The following CFAP46 variants were observed in gnomAD, a reference collection of about 807,000 sequenced individuals.
The protein encoded by CFAP46 is cilia and flagella associated protein 46, also known as cilia- and flagella-associated protein 46.
CFAP46 carries 245 observed loss-of-function variants against 325.7 expected under a neutral mutation model. The observed-to-expected ratio is 0.75, with a 90% confidence interval of 0.68 to 0.84. CFAP46 has a LOEUF of 0.84. Ranked by LOEUF, CFAP46 falls within the 40% of genes least tolerant of loss-of-function variation. The pLI is 0.00. For missense variants in CFAP46, 3,346 were observed against 3,543.0 expected (o/e 0.94, Z 1.41); for synonymous variants, 1,523 against 1,495.9 (o/e 1.02, Z -0.42).
intron 28 of CFAP46, among the ~76,000 whole-genome samples, chr10:132,880,560 A>T (rs1451999713): frequency 6.6e-6 from 1 of 152,204 alleles, no homozygotes; most frequent in East Asian, 1.9e-4. Context: ...GCCCGAGAAC[A>T]TGCCTTCCGC....
chr10:132,922,293 A>G, intron 12 of CFAP46, 69 bp from the exon 13 acceptor site: 1 of 1,512,720 alleles, frequency 6.6e-7, no homozygotes, highest in South Asian at 1.3e-5. Flanking sequence ...CAACTTCTGG[A>G]GCCTCCTGGC....
chr10:132,906,427 C>T (rs1849456515), intron 22 of CFAP46, among the ~76,000 whole-genome samples: 1 of 152,250 alleles, frequency 6.6e-6, no homozygotes, highest in Non-Finnish European at 1.5e-5. Flanking sequence ...TAGTGCCTGC[C>T]AACCGAGAAG....
intron 29 of CFAP46, among the ~76,000 whole-genome samples, chr10:132,878,485 C>T (rs924913799): frequency 8.5e-5 from 13 of 152,134 alleles, no homozygotes; most frequent in African/African-American, 3.1e-4. Context: ...GCAGGCCCTG[C>T]GGGCCCCTCG....
chr10:132,878,960 G>T (rs1444947886), intron 29 of CFAP46, among the ~76,000 whole-genome samples: 1 of 152,208 alleles, frequency 6.6e-6, no homozygotes, highest in African/African-American at 2.4e-5. Flanking sequence ...AGGACAAGGA[G>T]GGGGGTGGGA....
At chr10:132,865,928 G>GA (rs1463837017) in intron 35 of CFAP46, 97 bp downstream of exon 35, 3 of 1,249,666 alleles carry the variant, frequency 2.4e-6, no homozygotes. Context: ...TGCTAGAGCT[G>GA]AACGCTACAG....
chr10:132,918,871 C>T (rs1849677417), intron 15 of CFAP46, among the ~76,000 whole-genome samples: 1 of 152,216 alleles, frequency 6.6e-6, no homozygotes, highest in African/African-American at 2.4e-5. Flanking sequence ...CCCCTGTGCC[C>T]GTTCTGTCAC....
At chr10:132,843,950 A>G (rs1430912614) in intron 44 of CFAP46, among the ~76,000 whole-genome samples, 9 of 93,088 alleles carry the variant, frequency 9.7e-5, no homozygotes, top group South Asian at 4.1e-4. Context: ...CTCTGGTCTC[A>G]GTGGGTGTTC....
Position 132,922,723 on chromosome 10 carries a change from T to A in CFAP46, c.1257-15A>T, listed in dbSNP as rs759690344. ...GCGTCATGAGGCTGCGGGGGTGGCG[T>A]GGCATCAGGGGCCCTGGCGGCGCTG... On this transcript the variant is annotated splice_polypyrimidine_tract_variant and intron_variant, in intron 11 of 57. Transcript: ENST00000368586. The A allele has an allele frequency of 1.9e-6, 3 of 1,538,622 alleles. No homozygotes were observed. The South Asian group carries it at 3.6e-5, about 18-fold the overall frequency.
intron 35 of CFAP46, among the ~76,000 whole-genome samples, chr10:132,863,076 G>A (rs1387022620): frequency 1.3e-5 from 2 of 152,130 alleles, no homozygotes; most frequent in East Asian, 1.9e-4. Flanking sequence ...CCACGTTCGC[G>A]GGAGTCCAGC....
intron 45 of CFAP46, 59 bp from the exon 46 acceptor site, chr10:132,836,277 GC>G: frequency 3.9e-6 from 6 of 1,531,810 alleles, no homozygotes; most frequent in Non-Finnish European, 2.7e-6. Flanking sequence ...ACACCTCACA[GC>G]CCAGCTCCAG....
chr10:132,836,778 C>A (rs751767888), intron 45 of CFAP46, 39 bp downstream of exon 45: 48 of 1,552,904 alleles, frequency 3.1e-5, no homozygotes, highest in Non-Finnish European at 4.0e-5. Context: ...GGCCTCTCAG[C>A]GGGCTGGGGG....
intron 13 of CFAP46, among the ~76,000 whole-genome samples, chr10:132,920,949 G>A (rs543512484): frequency 6.6e-6 from 1 of 152,372 alleles, no homozygotes; most frequent in East Asian, 1.9e-4. Flanking sequence ...TCCTACTGGT[G>A]GATCTGCAGC....
intron 54 of CFAP46, among the ~76,000 whole-genome samples, chr10:132,813,726 G>A (rs903936107): frequency 3.9e-5 from 6 of 152,118 alleles, no homozygotes; most frequent in Middle Eastern, 3.4e-3. Flanking sequence ...CGCCCCTGGC[G>A]TGGAGCCTGT....
At chr10:132,907,500 C>T (rs145716824) in intron 22 of CFAP46, among the ~76,000 whole-genome samples, 20 of 152,350 alleles carry the variant, frequency 1.3e-4, no homozygotes, top group Middle Eastern at 6.8e-3. Context: ...GGACCCAAGT[C>T]AGAGGCCATT....
chr10:132,869,353 C>T lies in CFAP46; in HGVS notation c.4531G>A (p.Glu1511Lys), dbSNP rs1177370972. ...GCGGCTGCTTCTCTCAGCTTCAGCTCGGAGCACGCGTGGGCGAGGCTGTGG... is the reference window on the plus strand; with the variant it reads ...GCGGCTGCTTCTCTCAGCTTCAGCTTGGAGCACGCGTGGGCGAGGCTGTGG... ...YHLRLAHACS[E>K]LKLREAAARH... Residue 1511 changes from glutamate (E) to lysine (K), a missense_variant, in exon 33 of 58, where the codon GAG becomes AAG. By Grantham distance (56) the Glu-to-Lys change is moderately conservative (BLOSUM62 1). Transcript: ENST00000368586. The surrounding 1 kb of genome is among the most constrained non-coding windows in gnomAD (Gnocchi z 6.2). The T allele has an allele frequency of 1.8e-5, 28 of 1,535,118 alleles. No individual in the cohort carries two copies. In the East Asian group the frequency reaches 3.9e-4, roughly 22 times the overall value.
At chr10:132,811,167 C>T in intron 55 of CFAP46, 136 bp from the exon 56 acceptor site, 1 of 738,332 alleles carries the variant, frequency 1.4e-6, no homozygotes, top group Non-Finnish European at 2.2e-6. Context: ...GGGCTCCGAC[C>T]TCATGACCGT....
At chr10:132,811,070 G>A (rs754288896) in intron 55 of CFAP46, 39 bp from the exon 56 acceptor site, 9 of 1,528,768 alleles carry the variant, frequency 5.9e-6, no homozygotes, top group South Asian at 2.4e-5. Context: ...GCCTTGGCCT[G>A]ACATGGGGAG....
intron 11 of CFAP46, 60 bp downstream of exon 11, chr10:132,924,636 T>C: frequency 7.3e-7 from 1 of 1,378,770 alleles, no homozygotes; most frequent in Non-Finnish European, 9.4e-7. Context: ...CTTCTCCTCC[T>C]CTGTCTCCTC....
rs181677499 is a variant in CFAP46 at position 132,869,578 on chromosome 10, C to T, written c.4512-206G>A. On this transcript the variant is annotated intron_variant, in intron 32 of 57. Coordinates refer to ENST00000368586, the MANE Select transcript of CFAP46 (RefSeq NM_001200049.3). The surrounding 1 kb of genome is among the most constrained non-coding windows in gnomAD (Gnocchi z 6.2). ...CAAATTTCAAGTGGGATTCTTCTCC[C>T]GCTCCTTCACAGATCTCGTGCGAGG... 9.8e-5 allele frequency among the ~76,000 whole-genome samples: 15 copies of T among 152,298 alleles called. No homozygotes were observed. The East Asian group carries it at 1.7e-3, about 18-fold the overall frequency.
Sources: gnomAD v4.1 joint callset for allele counts (sites outside exome capture counted in the v4.1 genomes callset) on GRCh38, gnomAD v4.1.1 for gene constraint, Gnocchi (gnomAD v3.1) non-coding constraint, MANE v1.5 for transcripts, NCBI Gene and HGNC (gene_info 2026-07-23, HGNC 2026-07-21) for gene names.